Variants in MCM8 observed in about 807,000 individuals in gnomAD.
The protein encoded by MCM8 is minichromosome maintenance 8 homologous recombination repair factor, also known as DNA helicase MCM8.
Under a neutral mutation model 98.9 loss-of-function variants are expected in MCM8, and 85 were observed. The observed-to-expected ratio is 0.86, with a 90% CI of 0.72 to 1.03. The LOEUF (loss-of-function observed/expected upper bound fraction) is 1.03. Ranked by LOEUF, MCM8 falls within the 50% of genes least tolerant of loss-of-function variation. The pLI is 0.00. For missense variants in MCM8, 951 were observed against 997.8 expected (o/e 0.95, Z 0.63); for synonymous variants, 352 against 338.6 (o/e 1.04, Z -0.44).
chr20:5,990,216 A>G (rs1333090494), intron 17 of MCM8, among the ~76,000 whole-genome samples: 1 of 152,122 alleles, frequency 6.6e-6, no homozygotes. Flanking sequence ...CTGGGATTAC[A>G]GGCACCTGCC....
chr20:5,993,902 T>TC (rs1471514926), intron 18 of MCM8: 1 of 443,870 alleles, frequency 2.3e-6, no homozygotes, highest in Non-Finnish European at 4.0e-6. Context: ...CATTTTAACA[T>TC]CTTTTAACGT....
chr20:5,950,773 A>G lies in MCM8; in HGVS notation c.-256A>G, dbSNP rs2122625021. 1 of 173,194 alleles carries G rather than the reference A, an allele frequency of 5.8e-6. No individual in the cohort carries two copies. The highest frequency in any genetic ancestry group is 2.4e-5 in the African/African-American group (1 of 42,260). 10.7% of individuals were successfully genotyped at this position (173,194 alleles called of 1,614,324 possible). A position where few individuals can be genotyped will look rare whatever the true frequency, so the allele number is the denominator to read the frequency against. ...ACACCTTCTGGAAGCTGCGGTGGGGAAACTGAGTTTCCCGAGCCGTTGAGA... is the reference window on the plus strand; with the variant it reads ...ACACCTTCTGGAAGCTGCGGTGGGGGAACTGAGTTTCCCGAGCCGTTGAGA... On this transcript the variant is annotated 5_prime_UTR_variant, in exon 1 of 19. Transcript: ENST00000610722.
In MCM8 at chr20:5,972,311, C is replaced by T. The variant is rs185747123; in HGVS notation, c.1254+274C>T. Reference sequence around the variant, plus strand: ...CCTCCAGCTTTGGGGCTCAGGTCATCCTCCTGACCTCAGCCTCCTGAGTAG... The same window carrying T: ...CCTCCAGCTTTGGGGCTCAGGTCATTCTCCTGACCTCAGCCTCCTGAGTAG... On this transcript the variant is annotated intron_variant, in intron 11 of 18. Transcript: ENST00000610722. Among the ~76,000 whole-genome samples, 630 of 150,686 alleles carry T rather than the reference C, an allele frequency of 4.2e-3. 3 individuals are homozygous for T. The highest frequency in any genetic ancestry group is 0.014 in the African/African-American group (569 of 41,002).
At chr20:5,986,349 A>G (rs1361035676) in intron 16 of MCM8, among the ~76,000 whole-genome samples, 2 of 152,064 alleles carry the variant, frequency 1.3e-5, no homozygotes, top group African/African-American at 4.8e-5. Context: ...ATTACTTAGC[A>G]TGCAACTTTT....
At chr20:5,958,887 C>T (rs1386330089) in intron 7 of MCM8, among the ~76,000 whole-genome samples, 161 bp downstream of exon 7, 3 of 152,082 alleles carry the variant, frequency 2.0e-5, no homozygotes, top group Admixed American at 2.0e-4. Context: ...AAGAAAAATA[C>T]AGAAATAAAT....
intron 4 of MCM8, among the ~76,000 whole-genome samples, 159 bp downstream of exon 4, chr20:5,954,849 C>T (rs962883243): frequency 6.6e-6 from 1 of 152,182 alleles, no homozygotes; most frequent in Non-Finnish European, 1.5e-5. Flanking sequence ...AATTACTTCT[C>T]TGTGCCTCAG....
chr20:5,990,733 C>T (rs1220268643), intron 17 of MCM8, among the ~76,000 whole-genome samples: 1 of 152,016 alleles, frequency 6.6e-6, no homozygotes, highest in African/African-American at 2.4e-5. Flanking sequence ...CACAACCCAA[C>T]CAAAATTTCA....
chr20:5,987,600 A>C (rs561075538), intron 17 of MCM8, among the ~76,000 whole-genome samples: 16 of 152,370 alleles, frequency 1.1e-4, no homozygotes, highest in African/African-American at 3.6e-4. Context: ...CTATTGGAGA[A>C]GAGCTATTTA....
intron 11 of MCM8, 63 bp from the exon 12 acceptor site, chr20:5,972,993 C>T: frequency 6.5e-7 from 1 of 1,537,904 alleles, no homozygotes; most frequent in Non-Finnish European, 8.9e-7. Flanking sequence ...GAGGAATACC[C>T]CCTTTACTAG....
chr20:5,951,916 G>T, intron 1 of MCM8, 95 bp from the exon 2 acceptor site: 1 of 1,370,430 alleles, frequency 7.3e-7, no homozygotes, highest in South Asian at 1.5e-5. Flanking sequence ...CTTGAACCTA[G>T]AATACATTAA....
chr20:5,994,114 T>C (rs1173385457), intron 18 of MCM8, among the ~76,000 whole-genome samples, 185 bp from the exon 19 acceptor site: 1 of 152,242 alleles, frequency 6.6e-6, no homozygotes, highest in East Asian at 1.9e-4. Flanking sequence ...ATTTTTACTT[T>C]TTATTTATTT....
chr20:5,985,868 A>G, intron 15 of MCM8, 54 bp from the exon 16 acceptor site: 1 of 1,581,540 alleles, frequency 6.3e-7, no homozygotes, highest in South Asian at 1.1e-5. Context: ...TTTAGCAGAA[A>G]TATTTTATTT....
intron 16 of MCM8, 49 bp from the exon 17 acceptor site, chr20:5,987,233 G>T (rs1443447080): frequency 6.5e-7 from 1 of 1,544,958 alleles, no homozygotes; most frequent in South Asian, 1.1e-5. Context: ...ACATACTATG[G>T]TAAATATATT....
intron 8 of MCM8, among the ~76,000 whole-genome samples, 166 bp downstream of exon 8, chr20:5,963,525 CTTTT>C (rs34718923): frequency 3.6e-5 from 4 of 110,470 alleles, no homozygotes; most frequent in Admixed American, 9.0e-5. Flanking sequence ...TAAAATAATT[CTTTT>C]TTTTTTTTTT....
At chr20:5,977,298 G>A (rs2089531516) in intron 12 of MCM8, among the ~76,000 whole-genome samples, 1 of 152,218 alleles carries the variant, frequency 6.6e-6, no homozygotes, top group African/African-American at 2.4e-5. Context: ...GGGCAATGCT[G>A]TGATAAAACA....
rs1405816883 is a variant in MCM8, at chr20:5,950,904, G to A, written c.-125G>A. The A allele has an allele frequency of 6.6e-6, 1 of 151,538 alleles. No homozygotes were observed. Among genetic ancestry groups the A allele is most frequent in the Non-Finnish European group, 1.5e-5 (1 of 67,958 alleles). 9.4% of individuals were successfully genotyped at this position (151,538 alleles called of 1,614,324 possible). A position where few individuals can be genotyped will look rare whatever the true frequency, so the allele number is the denominator to read the frequency against. ...GGAGCTAAGATCCCGGAGACTCTTAGCCCCGTGGTGCTTCTCTACGGGAGG... is the reference window on the plus strand; with the variant it reads ...GGAGCTAAGATCCCGGAGACTCTTAACCCCGTGGTGCTTCTCTACGGGAGG... On this transcript the variant is annotated 5_prime_UTR_variant, in exon 1 of 19. Coordinates refer to ENST00000610722, the MANE Select transcript of MCM8 (RefSeq NM_032485.6).
At chr20:5,964,771 G>A (rs1568576888) in intron 8 of MCM8, 11 of 152,144 alleles carry the variant, frequency 7.2e-5, no homozygotes. Context: ...ACATTGAGAG[G>A]TAGTCTAGAT....
chr20:5,989,736 A>G lies in MCM8; in HGVS notation c.2240+2378A>G, dbSNP rs534855292. Among the ~76,000 whole-genome samples, 7 of 152,258 alleles carry G rather than the reference A, an allele frequency of 4.6e-5. No individual in the cohort carries two copies. The South Asian group carries it at 1.4e-3, about 32-fold the overall frequency. On this transcript the variant is annotated intron_variant, in intron 17 of 18. Coordinates refer to ENST00000610722, the MANE Select transcript of MCM8 (RefSeq NM_032485.6). ...TCTTCTCTCTGCTGCCTCTAGAGGT[A>G]TGCAGATGGGTAGAAGGGCACCCAT...
intron 17 of MCM8, 64 bp from the exon 18 acceptor site, chr20:5,993,442 G>T: frequency 7.5e-7 from 1 of 1,335,330 alleles, no homozygotes; most frequent in East Asian, 2.4e-5. Flanking sequence ...TAACCTGAAA[G>T]CCCAGGACAA....
Sources: allele counts gnomAD v4.1 joint callset (sites outside exome capture counted in the v4.1 genomes callset), GRCh38; gene constraint gnomAD v4.1.1; transcripts MANE v1.5; gene names NCBI Gene and HGNC (gene_info 2026-07-23, HGNC 2026-07-21).